Variants in GRM1 observed in about 807,000 individuals in gnomAD.
GRM1 encodes the protein metabotropic glutamate receptor 1.
In GRM1, 33 loss-of-function variants were observed where a neutral mutation model predicts 90.9. The ratio of observed to expected loss-of-function variants is 0.36; its 90% CI spans 0.28 to 0.49. GRM1 has a LOEUF of 0.49. Ranked by LOEUF, GRM1 falls within the 20% of genes least tolerant of loss-of-function variation. The pLI is 0.99. For synonymous variants in GRM1, 700 were observed against 613.2 expected, an observed-to-expected ratio of 1.14 and a Z score of -2.09; for missense variants, 1,190 against 1,534.3, an observed-to-expected ratio of 0.78 and a Z score of 3.75.
chr6:146,128,916 T>C (rs929669626), intron 1 of GRM1, among the ~76,000 whole-genome samples: 1 of 152,176 alleles, frequency 6.6e-6, no homozygotes, highest in Admixed American at 6.5e-5. Flanking sequence ...TAGTTAAAGC[T>C]GTAAAAACCC....
chr6:146,187,355 C>T (rs1213993042), intron 2 of GRM1, among the ~76,000 whole-genome samples: 2 of 152,068 alleles, frequency 1.3e-5, no homozygotes, highest in Middle Eastern at 3.2e-3. Flanking sequence ...TATTTACTTG[C>T]TAATACAGAC....
chr6:146,168,223 T>G (rs1777978770), intron 2 of GRM1, among the ~76,000 whole-genome samples: 1 of 151,960 alleles, frequency 6.6e-6, no homozygotes, highest in Non-Finnish European at 1.5e-5. Context: ...AGCATTCAAT[T>G]TTATCTCTAT....
intron 7 of GRM1, among the ~76,000 whole-genome samples, chr6:146,431,693 A>C (rs1778413170): frequency 6.6e-6 from 1 of 152,196 alleles, no homozygotes; most frequent in Non-Finnish European, 1.5e-5. Flanking sequence ...GCATTTCCTA[A>C]TGCCTATGAA....
intron 2 of GRM1, among the ~76,000 whole-genome samples, chr6:146,267,711 GTCTCGTCTCGTCTCGT>G (rs1781968656): frequency 4.5e-5 from 5 of 112,336 alleles, no homozygotes; most frequent in Non-Finnish European, 1.1e-4. Flanking sequence ...GGCTCGTCTC[GTCTCGTCTCGTCTCGT>G]CTCGTCTCGT....
In GRM1 at chr6:146,434,828, A is replaced by G. The variant is rs763587828; in HGVS notation, c.*32A>G. ...AGGGTCCACATAGAAAAGCAAGACA[A>G]GCCAGAGATCTCCCACACCTCCAGA... On this transcript the variant is annotated 3_prime_UTR_variant, in exon 8 of 8. Transcript: ENST00000282753. The G allele has an allele frequency of 5.2e-6, 8 of 1,552,904 alleles. No individual in the cohort carries two copies. The highest frequency in any genetic ancestry group is 7.0e-6 in the Non-Finnish European group (8 of 1,138,412).
intron 4 of GRM1, among the ~76,000 whole-genome samples, chr6:146,352,882 C>A (rs181511287): frequency 4.9e-4 from 75 of 152,210 alleles, no homozygotes; most frequent in African/African-American, 1.5e-3. Context: ...TGACTATATA[C>A]CATTCTGGTT....
chr6:146,120,284 T>G (rs1351933426), intron 1 of GRM1, among the ~76,000 whole-genome samples: 1 of 152,228 alleles, frequency 6.6e-6, no homozygotes, highest in East Asian at 1.9e-4. Context: ...TCCACATTGA[T>G]TTTGTATCCT....
intron 7 of GRM1, among the ~76,000 whole-genome samples, chr6:146,432,671 C>CT (rs1466489574): frequency 2.0e-5 from 3 of 152,058 alleles, no homozygotes; most frequent in Non-Finnish European, 4.4e-5. Flanking sequence ...AAGCAAACTT[C>CT]TAAAAAAAGA....
chr6:146,315,327 C>T (rs1037508507), intron 3 of GRM1, among the ~76,000 whole-genome samples: 1 of 152,086 alleles, frequency 6.6e-6, no homozygotes, highest in African/African-American at 2.4e-5. Flanking sequence ...ATCAAGGCTA[C>T]AGTGAGCTAT....
intron 1 of GRM1, among the ~76,000 whole-genome samples, chr6:146,050,476 G>A (rs1016036253): frequency 6.6e-6 from 1 of 151,952 alleles, no homozygotes; most frequent in Non-Finnish European, 1.5e-5. Context: ...TGGAAATGAT[G>A]ATAAAAAGAC....
rs569531995 is a variant in GRM1, at chr6:146,358,235, A to AG, written c.1602+544dup. Among the ~76,000 whole-genome samples, 41 of 147,486 alleles carry AG rather than the reference A, an allele frequency of 2.8e-4. 1 individual carries two copies. The highest frequency in any genetic ancestry group is 1.0e-3 in the African/African-American group (40 of 39,700). ...CTAACTATTTTCAGGAGCTATTTGG[A>AG]GGGTGGGTGGGGCAAGTGAGTAACT... On this transcript the variant is annotated intron_variant, in intron 5 of 7. Transcript: ENST00000282753.
chr6:146,344,129 G>T (rs139779008), intron 3 of GRM1, among the ~76,000 whole-genome samples: 196 of 152,200 alleles, frequency 1.3e-3, no homozygotes, highest in African/African-American at 4.4e-3. Flanking sequence ...GTTTATTCTA[G>T]CTTTCTCCTT....
At chr6:146,260,327 G>A (rs1053860372) in intron 2 of GRM1, among the ~76,000 whole-genome samples, 5 of 152,086 alleles carry the variant, frequency 3.3e-5, no homozygotes, top group African/African-American at 1.2e-4. Flanking sequence ...CAAAGGACAT[G>A]AACTCATCCT....
At chr6:146,062,983 G>A (rs899690902) in intron 1 of GRM1, among the ~76,000 whole-genome samples, 1 of 151,910 alleles carries the variant, frequency 6.6e-6, no homozygotes, top group African/African-American at 2.4e-5. Context: ...ATGGATCCTT[G>A]CAGGCTATTT....
At chr6:146,205,168 AT>A (rs1779451459) in intron 2 of GRM1, among the ~76,000 whole-genome samples, 3 of 152,234 alleles carry the variant, frequency 2.0e-5, no homozygotes, top group African/African-American at 7.2e-5. Flanking sequence ...AGAGTAAAAA[AT>A]ATCTATAATA....
intron 3 of GRM1, among the ~76,000 whole-genome samples, chr6:146,317,810 T>C (rs1784029139): frequency 6.6e-6 from 1 of 152,198 alleles, no homozygotes; most frequent in Non-Finnish European, 1.5e-5. Context: ...CCACTCACAT[T>C]TCATTGACCA....
intron 1 of GRM1, among the ~76,000 whole-genome samples, chr6:146,100,481 T>A (rs1360398750): frequency 6.6e-6 from 1 of 152,228 alleles, no homozygotes; most frequent in Non-Finnish European, 1.5e-5. Context: ...ATACCCATTA[T>A]TACAGTTCCA....
At chr6:146,433,082 C>G (rs1204692757) in intron 7 of GRM1, among the ~76,000 whole-genome samples, 1 of 152,164 alleles carries the variant, frequency 6.6e-6, no homozygotes, top group African/African-American at 2.4e-5. Context: ...TGTATTTTTC[C>G]TGGCTTCCTC....
At chr6:146,083,387 T>G (rs1776431133) in intron 1 of GRM1, among the ~76,000 whole-genome samples, 1 of 152,136 alleles carries the variant, frequency 6.6e-6, no homozygotes, top group Non-Finnish European at 1.5e-5. Context: ...AATAACTCTT[T>G]TTATTTTGTG....
Sources: allele counts gnomAD v4.1 joint callset (sites outside exome capture counted in the v4.1 genomes callset), GRCh38; gene constraint gnomAD v4.1.1; transcripts MANE v1.5; gene names NCBI Gene and HGNC (gene_info 2026-07-23, HGNC 2026-07-21).